Variants in VPS13D observed in about 807,000 individuals in gnomAD.
VPS13D encodes the protein intermembrane lipid transfer protein VPS13D.
A neutral mutation model predicts 461.9 loss-of-function variants in VPS13D; 187 were observed. That is an observed-to-expected ratio of 0.40 (90% CI 0.36 to 0.46). VPS13D has a LOEUF of 0.46. Among genes scored for constraint, VPS13D ranks in the 20% least tolerant of loss-of-function variants. VPS13D has a pLI of 0.60. For synonymous variants in VPS13D, 1,951 were observed against 1,986.3 expected, an observed-to-expected ratio of 0.98 and a Z score of 0.47; for missense variants, 4,711 against 5,364.9, an observed-to-expected ratio of 0.88 and a Z score of 3.81.
rs1646163289 is a variant in VPS13D at position 12,510,132 on chromosome 1, T to C, written c.*1108T>C. 6.6e-6 allele frequency: 1 copy of C among 152,052 alleles called. No individual in the cohort carries two copies. Among genetic ancestry groups the C allele is most frequent in the South Asian group, 2.1e-4 (1 of 4,806 alleles). The allele number at this position is 152,052 out of a possible 1,614,324, so 9.4% of individuals were successfully genotyped here. On this transcript the variant is annotated 3_prime_UTR_variant, in exon 70 of 70. Coordinates refer to ENST00000620676, the MANE Select transcript of VPS13D (RefSeq NM_015378.4). ...GAAATAGGAGTATTAAAAAGCTGCG[T>C]TGGTAAGTTTTTCATGGAACCAAGA...
intron 23 of VPS13D, among the ~76,000 whole-genome samples, chr1:12,291,724 G>A (rs1642137631): frequency 6.6e-6 from 1 of 152,190 alleles, no homozygotes; most frequent in Admixed American, 6.5e-5. Context: ...CTTGGTGTAT[G>A]TCCTGAGACA....
intron 46 of VPS13D, among the ~76,000 whole-genome samples, chr1:12,352,052 G>A (rs370114476): frequency 3.3e-5 from 5 of 152,078 alleles, no homozygotes; most frequent in African/African-American, 1.2e-4. Context: ...CACTTTGGGA[G>A]GCCAAGGTGG....
chr1:12,291,244 T>A, intron 23 of VPS13D, 120 bp downstream of exon 23: 1 of 1,096,408 alleles, frequency 9.1e-7, no homozygotes, highest in East Asian at 2.6e-5. Flanking sequence ...GAGGTGAAAT[T>A]GAGAAGTTAT....
At chr1:12,306,399 T>A (rs1236264828) in intron 26 of VPS13D, among the ~76,000 whole-genome samples, 1 of 152,150 alleles carries the variant, frequency 6.6e-6, no homozygotes, top group Non-Finnish European at 1.5e-5. Flanking sequence ...CATGCACATC[T>A]AGAACACAGA....
At chr1:12,323,457 T>C (rs1643096852) in intron 34 of VPS13D, among the ~76,000 whole-genome samples, 1 of 151,714 alleles carries the variant, frequency 6.6e-6, no homozygotes, top group Admixed American at 6.6e-5. Context: ...AGATGCGAAA[T>C]AGACCTTCCC....
At chr1:12,396,854 C>G (rs2101674995) in intron 60 of VPS13D, among the ~76,000 whole-genome samples, 1 of 152,276 alleles carries the variant, frequency 6.6e-6, no homozygotes, top group East Asian at 1.9e-4. Flanking sequence ...TTCGACCTTA[C>G]AGAGACAATT....
intron 30 of VPS13D, among the ~76,000 whole-genome samples, chr1:12,314,713 AC>A (rs1642843747): frequency 6.6e-6 from 1 of 152,192 alleles, no homozygotes; most frequent in Non-Finnish European, 1.5e-5. Context: ...GACTTGAATT[AC>A]CCATTCAAGT....
intron 29 of VPS13D, among the ~76,000 whole-genome samples, chr1:12,312,661 AAGGTG>A (rs1469137295): frequency 6.6e-6 from 1 of 152,140 alleles, no homozygotes. Flanking sequence ...TCAAGGCGTT[AAGGTG>A]AGAGAATCAC....
chr1:12,403,776 T>G, intron 62 of VPS13D, 49 bp from the exon 63 acceptor site: 4 of 1,514,030 alleles, frequency 2.6e-6, no homozygotes, highest in East Asian at 2.3e-5. Flanking sequence ...CTGTGGATCA[T>G]GAGACTAAGA....
At chr1:12,371,390 C>CTTT (rs1286829007) in intron 54 of VPS13D, among the ~76,000 whole-genome samples, 2 of 135,220 alleles carry the variant, frequency 1.5e-5, no homozygotes, top group African/African-American at 2.7e-5. Flanking sequence ...ATGCTTCATT[C>CTTT]TTTTTTTTTT....
rs547491661 is a variant in VPS13D at position 12,502,177 on chromosome 1, G to A, written c.12794+4546G>A. Among the ~76,000 whole-genome samples the A allele has an allele frequency of 1.3e-5, 2 of 152,316 alleles. No homozygotes were observed. Among genetic ancestry groups the A allele is most frequent in the Admixed American group, 1.3e-4 (2 of 15,304 alleles). ...TAAAACCTTGACAGCAGCAGGTAGA[G>A]AGACTGAAGGCAGGAAGCCAGTTAG... On this transcript the variant is annotated intron_variant, in intron 68 of 69. Transcript: ENST00000620676. This position sits in a 1 kb window ranked among gnomAD's most constrained non-coding sequence, Gnocchi z 4.3.
intron 6 of VPS13D, among the ~76,000 whole-genome samples, chr1:12,249,768 ACT>A (rs765838050): frequency 5.3e-5 from 8 of 151,858 alleles, no homozygotes; most frequent in East Asian, 1.9e-4. Flanking sequence ...CTCAAAACAC[ACT>A]CTGTTTCTTC....
At chr1:12,286,257 T>C (rs1368330145) in intron 21 of VPS13D, among the ~76,000 whole-genome samples, 1 of 152,142 alleles carries the variant, frequency 6.6e-6, no homozygotes. Flanking sequence ...TTTGTGTTTT[T>C]AGTTGAGATG....
intron 43 of VPS13D, among the ~76,000 whole-genome samples, chr1:12,346,258 C>T (rs1467954494): frequency 6.6e-6 from 1 of 152,020 alleles, no homozygotes; most frequent in African/African-American, 2.4e-5. Context: ...CTCTTGTGCC[C>T]CAAGTTTCTT....
intron 67 of VPS13D, among the ~76,000 whole-genome samples, chr1:12,486,539 C>T (rs532944632): frequency 7.9e-5 from 12 of 152,322 alleles, no homozygotes; most frequent in African/African-American, 2.9e-4. Context: ...CTTTTCCTTC[C>T]TGGAAAAGTG....
chr1:12,488,837 A>G (rs545013776), intron 67 of VPS13D, among the ~76,000 whole-genome samples: 4 of 152,362 alleles, frequency 2.6e-5, no homozygotes, highest in African/African-American at 9.6e-5. Flanking sequence ...GTGACAGGTT[A>G]GCAAGGAATT....
chr1:12,436,033 T>TGTCTCTAGAGCAA (rs764321831), intron 65 of VPS13D, among the ~76,000 whole-genome samples: 38 of 152,332 alleles, frequency 2.5e-4, no homozygotes, highest in Non-Finnish European at 4.3e-4. Context: ...CTATTTATTG[T>TGTCTCTAGAGCAA]GTCTCTAGAG....
chr1:12,330,690 C>A (rs977456247), intron 37 of VPS13D, among the ~76,000 whole-genome samples: 3 of 152,120 alleles, frequency 2.0e-5, no homozygotes. Flanking sequence ...CCTCAGCCTC[C>A]CGAGTAGCTG....
intron 65 of VPS13D, among the ~76,000 whole-genome samples, chr1:12,432,528 C>A (rs977698846): frequency 1.3e-5 from 2 of 151,956 alleles, no homozygotes; most frequent in Admixed American, 6.5e-5. Flanking sequence ...TGTCCAGCAA[C>A]CCTGGAAGAA....
Sources: allele counts gnomAD v4.1 joint callset (sites outside exome capture counted in the v4.1 genomes callset), GRCh38; gene constraint gnomAD v4.1.1; non-coding constraint Gnocchi (gnomAD v3.1); transcripts MANE v1.5; gene names NCBI Gene and HGNC (gene_info 2026-07-23, HGNC 2026-07-21).